The following NOL11 variants were observed in gnomAD, a reference collection of about 807,000 sequenced individuals.
NOL11 encodes the protein nucleolar protein 11.
A neutral mutation model predicts 93.0 loss-of-function variants in NOL11; 42 were observed. That is an observed-to-expected ratio of 0.45 (90% CI 0.35 to 0.58). The LOEUF (loss-of-function observed/expected upper bound fraction) is 0.58. Ranked by LOEUF, NOL11 falls within the 20% of genes least tolerant of loss-of-function variation. The probability of loss-of-function intolerance (pLI) is 0.00; values close to 1 mark genes in which losing one functional copy is unlikely to be tolerated. For missense variants in NOL11, 775 were observed against 841.8 expected (o/e 0.92, Z 0.98); for synonymous variants, 296 against 293.7 (o/e 1.01, Z -0.08).
intron 7 of NOL11, among the ~76,000 whole-genome samples, chr17:67,730,143 T>C (rs1018856527): frequency 4.6e-5 from 7 of 152,268 alleles, no homozygotes; most frequent in African/African-American, 1.4e-4. Context: ...CAGTTTGTTA[T>C]CTGTTCATCC....
Position 67,724,126 on chromosome 17 carries a change from C to T in NOL11, c.597C>T (p.Asp199=), listed in dbSNP as rs377003215. The T allele has an allele frequency of 5.8e-5, 92 of 1,591,894 alleles. No homozygotes were observed. The highest frequency in any genetic ancestry group is 1.4e-4 in the African/African-American group (10 of 73,600). The change falls in exon 6 of 18, where the codon GAC becomes GAT. Residue 199 remains aspartate (D), a synonymous_variant. Coordinates refer to ENST00000253247, the MANE Select transcript of NOL11 (RefSeq NM_015462.5). ...AATATACACTCTTACTTGGACAAGA[C>T]GAAAACTCTGTTATAAAGAGTTTTA... ...LTKYTLLLGQ[D]ENSVIKSFTA... is the part of the protein sequence containing the mutation.
In NOL11 at chr17:67,717,937, G is replaced by T. The variant is rs1341155980; in HGVS notation, c.-11G>T. 5 of 1,613,880 alleles carry T rather than the reference G, an allele frequency of 3.1e-6. No homozygotes were observed. The highest frequency in any genetic ancestry group is 2.7e-5 in the African/African-American group (2 of 74,942). On this transcript the variant is annotated 5_prime_UTR_variant, in exon 1 of 18. Coordinates refer to ENST00000253247, the MANE Select transcript of NOL11 (RefSeq NM_015462.5). The stretch of plus-strand genomic sequence containing the variant: ...CGGGAGTGAGCGCGGCCGTACTTAG[G>T]TTTGCTCAAAATGGCAGCGCTGGAG...
chr17:67,737,230 A>C, intron 11 of NOL11, 85 bp downstream of exon 11: 1 of 858,724 alleles, frequency 1.2e-6, no homozygotes, highest in Non-Finnish European at 1.9e-6. Context: ...TCTTATTTTT[A>C]TGATCATCTT....
chr17:67,740,625 CTT>C (rs1279653704), intron 16 of NOL11: 1 of 133,564 alleles, frequency 7.5e-6, no homozygotes, highest in Admixed American at 7.7e-5. Flanking sequence ...AAAAAAAAAA[CTT>C]ATTTAAAAAA....
At chr17:67,724,289 G>T in intron 6 of NOL11, 96 bp downstream of exon 6, 2 of 611,956 alleles carry the variant, frequency 3.3e-6, no homozygotes, top group Non-Finnish European at 5.2e-6. Context: ...GAAGCATTCA[G>T]TTACAGCCAT....
chr17:67,735,869 T>A (rs764798231), intron 8 of NOL11, 31 bp from the exon 9 acceptor site: 1 of 1,589,106 alleles, frequency 6.3e-7, no homozygotes, highest in Non-Finnish European at 8.6e-7. Flanking sequence ...AGAAAAAAAT[T>A]TGCTTATGTT....
intron 2 of NOL11, 45 bp downstream of exon 2, chr17:67,719,832 AT>A (rs932799476): frequency 6.8e-6 from 10 of 1,470,106 alleles, no homozygotes; most frequent in Non-Finnish European, 9.3e-6. Context: ...ATAAATGTTG[AT>A]TATTAACTAT....
intron 3 of NOL11, among the ~76,000 whole-genome samples, chr17:67,721,014 T>A (rs562107996): frequency 6.6e-6 from 1 of 152,330 alleles, no homozygotes; most frequent in South Asian, 2.1e-4. Flanking sequence ...GTAGTTACAA[T>A]TGTGGCATTA....
At chr17:67,731,087 G>A (rs546168952) in intron 7 of NOL11, among the ~76,000 whole-genome samples, 1 of 152,190 alleles carries the variant, frequency 6.6e-6, no homozygotes, top group Non-Finnish European at 1.5e-5. Context: ...AATTGTCTAT[G>A]CAAGTCCTTT....
intron 7 of NOL11, among the ~76,000 whole-genome samples, chr17:67,728,630 T>C (rs2055122029): frequency 6.6e-6 from 1 of 152,216 alleles, no homozygotes; most frequent in Non-Finnish European, 1.5e-5. Context: ...CTATGGTTTT[T>C]TTTTGGTCCA....
intron 6 of NOL11, among the ~76,000 whole-genome samples, chr17:67,725,742 A>G (rs1024360832): frequency 2.0e-5 from 3 of 152,204 alleles, no homozygotes; most frequent in South Asian, 2.1e-4. Context: ...GTTGGCCCAC[A>G]AGAAAGAGCA....
intron 10 of NOL11, 27 bp downstream of exon 10, chr17:67,736,781 A>G (rs747022392): frequency 7.7e-6 from 11 of 1,437,492 alleles, no homozygotes; most frequent in Non-Finnish European, 9.8e-6. Flanking sequence ...AAATTGAAAC[A>G]TTAGTGCAAA....
chr17:67,736,900 C>CA, intron 10 of NOL11, 146 bp downstream of exon 10: 2 of 740,048 alleles, frequency 2.7e-6, no homozygotes, highest in Non-Finnish European at 4.5e-6. Context: ...CCAGTAACCT[C>CA]ACATTCTTTA....
chr17:67,736,099 C>A, intron 9 of NOL11, 76 bp downstream of exon 9: 1 of 1,297,822 alleles, frequency 7.7e-7, no homozygotes, highest in Non-Finnish European at 1.1e-6. Context: ...ATTCCCACAG[C>A]CTTCTATTTG....
chr17:67,730,322 G>A (rs1567802162), intron 7 of NOL11, among the ~76,000 whole-genome samples: 1 of 152,116 alleles, frequency 6.6e-6, no homozygotes, highest in Non-Finnish European at 1.5e-5. Flanking sequence ...GTGCAGTGGT[G>A]CAATCTGGGC....
chr17:67,725,801 T>G (rs1350923169), intron 6 of NOL11, among the ~76,000 whole-genome samples: 1 of 152,182 alleles, frequency 6.6e-6, no homozygotes, highest in Non-Finnish European at 1.5e-5. Flanking sequence ...TATAATAAAC[T>G]AAGCACACTG....
In NOL11 at chr17:67,738,319, C is replaced by G. The variant is rs752173975; in HGVS notation, c.1727C>G (p.Thr576Ser). The G allele has an allele frequency of 3.7e-6, 6 of 1,613,550 alleles. No individual in the cohort carries two copies. Among genetic ancestry groups the G allele is most frequent in the Non-Finnish European group, 5.1e-6 (6 of 1,179,796 alleles). ...KKPQDETKES[T>S]SCPVVQKRAA... ...CCCCAGGACGAAACAAAGGAGAGCA[C>G]TTCATGCCCTGTGGTACAAAAAAGA... Residue 576 changes from threonine (T) to serine (S), a missense_variant, in exon 14 of 18, where the codon ACT becomes AGT. By Grantham distance (58) the Thr-to-Ser change is moderately conservative. This residue lies in a region of NOL11 where 416 missense variants were observed against 525.2 expected (regional missense o/e 0.79). Transcript: ENST00000253247.
chr17:67,731,039 T>C (rs912922547), intron 7 of NOL11, among the ~76,000 whole-genome samples: 1 of 152,234 alleles, frequency 6.6e-6, no homozygotes, highest in Non-Finnish European at 1.5e-5. Flanking sequence ...GAACATTTTT[T>C]CATATGCTCA....
rs762488648 is a variant in NOL11, at chr17:67,738,314, G to A, written c.1722G>A (p.Glu574=). The A allele has an allele frequency of 1.9e-6, 3 of 1,613,912 alleles. No homozygotes were observed. The highest frequency in any genetic ancestry group is 2.5e-6 in the Non-Finnish European group (3 of 1,179,914). ...LNKKPQDETK[E]STSCPVVQKR... ...AAAAGCCCCAGGACGAAACAAAGGAGAGCACTTCATGCCCTGTGGTACAAA... is the reference window on the plus strand; with the variant it reads ...AAAAGCCCCAGGACGAAACAAAGGAAAGCACTTCATGCCCTGTGGTACAAA... Residue 574 remains glutamate, a synonymous_variant, in exon 14 of 18, where the codon GAG becomes GAA. Transcript: ENST00000253247.
Sources: allele counts gnomAD v4.1 joint callset (sites outside exome capture counted in the v4.1 genomes callset), GRCh38; gene constraint gnomAD v4.1.1; regional missense constraint gnomAD v4.1.1; transcripts MANE v1.5; gene names NCBI Gene and HGNC (gene_info 2026-07-23, HGNC 2026-07-21).